The following RAB27A variants were observed in gnomAD, a reference collection of about 807,000 sequenced individuals.
RAB27A encodes the protein RAB27A, member RAS oncogene family, also known as ras-related protein Rab-27A.
In RAB27A, 17 loss-of-function variants were observed where a neutral mutation model predicts 20.8. That is an observed-to-expected ratio of 0.82 (90% CI 0.56 to 1.23). The LOEUF (loss-of-function observed/expected upper bound fraction) is 1.23. RAB27A is among the 50% of genes most tolerant of loss of function. The pLI is 0.00. For synonymous variants in RAB27A, 85 were observed against 92.8 expected (o/e 0.92, Z 0.48); for missense variants, 277 against 266.7 (o/e 1.04, Z -0.27).
intron 2 of RAB27A, among the ~76,000 whole-genome samples, chr15:55,300,938 C>T (rs1044163160): frequency 2.0e-5 from 3 of 152,140 alleles, no homozygotes; most frequent in Non-Finnish European, 4.4e-5. Context: ...ATGCAATAAC[C>T]ATTCTCTTGC....
chr15:55,210,412 G>GTTTTTT (rs572160899), intron 6 of RAB27A, among the ~76,000 whole-genome samples: 1 of 128,002 alleles, frequency 7.8e-6, no homozygotes, highest in South Asian at 2.5e-4. Flanking sequence ...TTTAGGTGTG[G>GTTTTTT]TTTTTTTTTT....
intron 1 of RAB27A, among the ~76,000 whole-genome samples, chr15:55,315,705 T>C (rs1180811562): frequency 6.6e-6 from 1 of 152,218 alleles, no homozygotes; most frequent in East Asian, 1.9e-4. Flanking sequence ...CACAATGAGA[T>C]ACCATCTCAT....
chr15:55,262,107 C>T (rs1415669124), intron 2 of RAB27A, among the ~76,000 whole-genome samples: 2 of 151,550 alleles, frequency 1.3e-5, no homozygotes, highest in East Asian at 3.9e-4. Flanking sequence ...CTTATTGATA[C>T]TTTGTTTTTG....
At chr15:55,309,435 C>T (rs745781774) in intron 2 of RAB27A, among the ~76,000 whole-genome samples, 45 of 152,260 alleles carry the variant, frequency 3.0e-4, no homozygotes, top group South Asian at 1.0e-3. Flanking sequence ...CACAAGGTTT[C>T]TGAATGGGCA....
chr15:55,263,774 A>G (rs1456155228), intron 2 of RAB27A, among the ~76,000 whole-genome samples: 3 of 104,624 alleles, frequency 2.9e-5, no homozygotes, highest in African/African-American at 8.7e-5. Flanking sequence ...AAGTTTTTCC[A>G]TTAGTCTGTT....
chr15:55,311,531 G>C (rs2141146604), intron 2 of RAB27A, among the ~76,000 whole-genome samples: 1 of 152,162 alleles, frequency 6.6e-6, no homozygotes, highest in East Asian at 1.9e-4. Flanking sequence ...GGTAGACTCT[G>C]AGGGCTTCCC....
intron 2 of RAB27A, among the ~76,000 whole-genome samples, chr15:55,252,999 G>A (rs1282191833): frequency 1.3e-5 from 2 of 151,950 alleles, no homozygotes. Flanking sequence ...GGGCATGGTG[G>A]CATGTGCCTG....
chr15:55,243,823 T>G (rs1348344398), intron 2 of RAB27A, among the ~76,000 whole-genome samples: 1 of 152,162 alleles, frequency 6.6e-6, no homozygotes. Context: ...CCTTATAGTT[T>G]TAGCCATGTC....
chr15:55,221,498 C>T (rs1317235009), intron 6 of RAB27A, among the ~76,000 whole-genome samples: 2 of 152,178 alleles, frequency 1.3e-5, no homozygotes, highest in African/African-American at 4.8e-5. Context: ...TCAGACTGGC[C>T]GGTAAGACTC....
chr15:55,204,964 A>T lies in RAB27A; in HGVS notation c.*543T>A, dbSNP rs1346925055. The T allele has an allele frequency of 5.8e-6, 1 of 172,314 alleles. No individual in the cohort carries two copies. Among genetic ancestry groups the T allele is most frequent in the African/African-American group, 2.4e-5 (1 of 41,596 alleles). 10.7% of individuals were successfully genotyped at this position (172,314 alleles called of 1,614,324 possible). On this transcript the variant is annotated 3_prime_UTR_variant, in exon 7 of 7. Transcript: ENST00000336787. ...CCATGATTTGTCCTATATTCATGTT[A>T]AATAGAATGCTTACATAAAATTAAT...
intron 2 of RAB27A, among the ~76,000 whole-genome samples, chr15:55,303,313 G>T (rs1301541061): frequency 5.8e-5 from 6 of 102,798 alleles, no homozygotes; most frequent in Admixed American, 1.7e-4. Context: ...GAGGTGGGGG[G>T]GTCAGCCCTC....
chr15:55,244,344 C>CA (rs1266568386), intron 2 of RAB27A, among the ~76,000 whole-genome samples: 2 of 151,910 alleles, frequency 1.3e-5, no homozygotes, highest in Admixed American at 6.6e-5. Context: ...CAAAACAAAA[C>CA]AAAAAAACAC....
chr15:55,292,384 A>G (rs1364798074), upstream of RAB27A, among the ~76,000 whole-genome samples: 3 of 152,252 alleles, frequency 2.0e-5, no homozygotes, highest in African/African-American at 7.2e-5. Flanking sequence ...CCTAAAACTC[A>G]GAACTCAAGT....
chr15:55,248,835 G>A lies in RAB27A; in HGVS notation c.-22-13879C>T, dbSNP rs1471573216. 2.6e-5 allele frequency: 4 copies of A among 151,982 alleles called. 1 individual carries two copies. The highest frequency in any genetic ancestry group is 5.9e-5 in the Non-Finnish European group (4 of 68,006). The allele number at this position is 151,982 out of a possible 1,614,324, so 9.4% of individuals were successfully genotyped here. A position where few individuals can be genotyped will look rare whatever the true frequency, so the allele number is the denominator to read the frequency against. On this transcript the variant is annotated intron_variant, in intron 2 of 6. Transcript: ENST00000336787. Reference sequence around the variant, plus strand: ...AGCTGTAGACAGCCAGCTATATATAGGTCTTTTTGGTATTTGTCAAGTCTA... The same window carrying A: ...AGCTGTAGACAGCCAGCTATATATAAGTCTTTTTGGTATTTGTCAAGTCTA...
intron 2 of RAB27A, among the ~76,000 whole-genome samples, chr15:55,299,402 T>G (rs1042800689): frequency 6.6e-6 from 1 of 152,172 alleles, no homozygotes; most frequent in African/African-American, 2.4e-5. Flanking sequence ...AACACCAGCC[T>G]GGCCAACATG....
chr15:55,251,248 T>C (rs1896877996), intron 2 of RAB27A, among the ~76,000 whole-genome samples: 1 of 152,202 alleles, frequency 6.6e-6, no homozygotes, highest in African/African-American at 2.4e-5. Flanking sequence ...TGGGTGTCCC[T>C]GGTGAGAACT....
At chr15:55,266,355 A>G (rs980024741) in intron 2 of RAB27A, among the ~76,000 whole-genome samples, 2 of 152,228 alleles carry the variant, frequency 1.3e-5, no homozygotes, top group Admixed American at 6.5e-5. Context: ...CAAGCTATCC[A>G]GTCTATGGTA....
At chr15:55,261,086 C>T (rs1204380736) in intron 2 of RAB27A, among the ~76,000 whole-genome samples, 1 of 152,056 alleles carries the variant, frequency 6.6e-6, no homozygotes, top group Non-Finnish European at 1.5e-5. Flanking sequence ...TACTGTGAAC[C>T]TAAAACTGCT....
upstream of RAB27A, among the ~76,000 whole-genome samples, chr15:55,290,787 C>T (rs1401609573): frequency 2.0e-5 from 3 of 152,238 alleles, no homozygotes; most frequent in African/African-American, 7.2e-5. Flanking sequence ...TGGGCCTGTC[C>T]CTATGGAGTC....
Sources: gnomAD v4.1 joint callset for allele counts (sites outside exome capture counted in the v4.1 genomes callset) on GRCh38, gnomAD v4.1.1 for gene constraint, MANE v1.5 for transcripts, NCBI Gene and HGNC (gene_info 2026-07-23, HGNC 2026-07-21) for gene names.